Variants in SKAP1 observed in about 807,000 individuals in gnomAD.
The protein encoded by SKAP1 is src kinase-associated phosphoprotein 1.
In SKAP1, 44 loss-of-function variants were observed where a neutral mutation model predicts 58.5. The observed-to-expected ratio is 0.75, with a 90% CI of 0.59 to 0.97. The LOEUF (loss-of-function observed/expected upper bound fraction) is 0.97, where lower values mean the gene tolerates loss of function less well. Ranked by LOEUF, SKAP1 falls within the 50% of genes least tolerant of loss-of-function variation. The pLI is 0.00. For missense variants in SKAP1, 390 were observed against 435.2 expected, an observed-to-expected ratio of 0.90 and a Z score of 0.92; for synonymous variants, 127 against 149.7, an observed-to-expected ratio of 0.85 and a Z score of 1.11.
chr17:48,407,905 T>A (rs1208029280), intron 1 of SKAP1, among the ~76,000 whole-genome samples: 1 of 147,654 alleles, frequency 6.8e-6, no homozygotes, highest in Non-Finnish European at 1.5e-5. Flanking sequence ...TAAGTGTAAG[T>A]GTAAGAGCTG....
intron 4 of SKAP1, among the ~76,000 whole-genome samples, chr17:48,250,470 A>G (rs2065351503): frequency 6.6e-6 from 1 of 151,352 alleles, no homozygotes; most frequent in African/African-American, 2.4e-5. Flanking sequence ...TTTAGTAGAG[A>G]TGGGGTTTCA....
At position 48,187,889 on chromosome 17, in the gene SKAP1, C is replaced by G; in HGVS notation, c.396G>C (p.Trp132Cys). ...AGAAGAGACCTCTGCTGACAACACA[C>G]CATCGCTTCTGCCACTCCGATCCAA... ...SFFGSEWQKR[W>C]CVVSRGLFYY... Residue 132 changes from tryptophan to cysteine, a missense_variant, in exon 6 of 13, where the codon TGG (tryptophan) becomes TGC (cysteine). Physicochemically the swap from Trp to Cys is radical, Grantham distance 215. Transcript: ENST00000336915. 6.2e-7 allele frequency: 1 copy of G among 1,614,070 alleles called. No homozygotes were observed. Among genetic ancestry groups the G allele is most frequent in the Non-Finnish European group, 8.5e-7 (1 of 1,179,924 alleles).
chr17:48,204,977 C>CA (rs2064779931), intron 4 of SKAP1, among the ~76,000 whole-genome samples: 1 of 69,324 alleles, frequency 1.4e-5, no homozygotes, highest in Admixed American at 1.8e-4. Flanking sequence ...CTTTTCTTTT[C>CA]TTTCTTTCTT....
intron 4 of SKAP1, among the ~76,000 whole-genome samples, chr17:48,213,988 C>T (rs1365914635): frequency 1.3e-5 from 2 of 152,146 alleles, no homozygotes; most frequent in Admixed American, 6.5e-5. Context: ...GATTCTACAT[C>T]TTAATTAAGA....
chr17:48,230,253 T>C (rs1403577401), intron 4 of SKAP1, among the ~76,000 whole-genome samples: 1 of 152,240 alleles, frequency 6.6e-6, no homozygotes, highest in Non-Finnish European at 1.5e-5. Flanking sequence ...TTGTGTAACC[T>C]GTTTCTTAGA....
intron 4 of SKAP1, among the ~76,000 whole-genome samples, chr17:48,234,663 G>A (rs1387351701): frequency 6.6e-6 from 1 of 152,030 alleles, no homozygotes; most frequent in Non-Finnish European, 1.5e-5. Context: ...AATGTTCTGA[G>A]ATCTGTGGGG....
intron 4 of SKAP1, among the ~76,000 whole-genome samples, chr17:48,293,229 A>AT (rs1275160584): frequency 6.6e-6 from 1 of 152,216 alleles, no homozygotes; most frequent in African/African-American, 2.4e-5. Context: ...ACTAGAAGGA[A>AT]TTACGTACTT....
intron 4 of SKAP1, among the ~76,000 whole-genome samples, chr17:48,299,795 A>G (rs2066034043): frequency 6.6e-6 from 1 of 152,160 alleles, no homozygotes; most frequent in South Asian, 2.1e-4. Context: ...TGGGGCAACT[A>G]GGAAGCCAGC....
At chr17:48,228,675 C>T (rs2065095743) in intron 4 of SKAP1, among the ~76,000 whole-genome samples, 2 of 152,150 alleles carry the variant, frequency 1.3e-5, no homozygotes, top group Non-Finnish European at 1.5e-5. Flanking sequence ...ATGATGTAGG[C>T]GTTTTCCCAT....
chr17:48,162,781 A>G, intron 10 of SKAP1: 1 of 427,962 alleles, frequency 2.3e-6, no homozygotes, highest in Middle Eastern at 5.9e-4. Flanking sequence ...TTTACAGATC[A>G]CTCCTAGTAG....
At chr17:48,223,828 C>T (rs1267711083) in intron 4 of SKAP1, among the ~76,000 whole-genome samples, 1 of 152,034 alleles carries the variant, frequency 6.6e-6, no homozygotes, top group Non-Finnish European at 1.5e-5. Flanking sequence ...AGCAGATGTG[C>T]ACGGCACTGT....
chr17:48,340,096 C>A (rs2066629807), intron 4 of SKAP1, among the ~76,000 whole-genome samples: 3 of 152,272 alleles, frequency 2.0e-5, no homozygotes, highest in South Asian at 2.1e-4. Context: ...AAGAGAATCG[C>A]TTGAACCCAG....
At chr17:48,398,750 G>C (rs12947993) in intron 1 of SKAP1, among the ~76,000 whole-genome samples, 4,464 of 152,236 alleles carry the variant, frequency 0.029, 236 homozygotes, top group African/African-American at 0.1. Flanking sequence ...GGCCAAGGCG[G>C]GTGGCTCACG....
chr17:48,265,989 T>C (rs1378223693), intron 4 of SKAP1, among the ~76,000 whole-genome samples: 1 of 152,260 alleles, frequency 6.6e-6, no homozygotes, highest in South Asian at 2.1e-4. Flanking sequence ...GTTTGATTCC[T>C]CTCTTGGGAT....
chr17:48,215,547 G>C (rs2064928657), intron 4 of SKAP1, among the ~76,000 whole-genome samples: 1 of 152,194 alleles, frequency 6.6e-6, no homozygotes, highest in Non-Finnish European at 1.5e-5. Flanking sequence ...AAAAGGGAAG[G>C]GTGAGGATGC....
chr17:48,315,328 A>G (rs2066274316), intron 4 of SKAP1, among the ~76,000 whole-genome samples: 1 of 152,122 alleles, frequency 6.6e-6, no homozygotes, highest in Admixed American at 6.5e-5. Flanking sequence ...ATCTGTGAAC[A>G]CTCTGAAATT....
intron 4 of SKAP1, among the ~76,000 whole-genome samples, chr17:48,309,657 A>G (rs1216230953): frequency 6.6e-6 from 1 of 152,206 alleles, no homozygotes; most frequent in Non-Finnish European, 1.5e-5. Context: ...TTGGAAATAC[A>G]TATTCAGAGA....
intron 4 of SKAP1, among the ~76,000 whole-genome samples, chr17:48,248,122 C>A (rs1435668290): frequency 6.6e-6 from 1 of 152,180 alleles, no homozygotes; most frequent in Non-Finnish European, 1.5e-5. Context: ...AATGAACAGA[C>A]CTCATAGTGT....
intron 11 of SKAP1, among the ~76,000 whole-genome samples, chr17:48,159,189 C>CT (rs1370944656): frequency 6.6e-6 from 1 of 152,122 alleles, no homozygotes; most frequent in Non-Finnish European, 1.5e-5. Flanking sequence ...TAAAAAAATT[C>CT]TTTTTTGTTT....
Sources: gnomAD v4.1 joint callset for allele counts (sites outside exome capture counted in the v4.1 genomes callset) on GRCh38, gnomAD v4.1.1 for gene constraint, MANE v1.5 for transcripts, NCBI Gene and HGNC (gene_info 2026-07-23, HGNC 2026-07-21) for gene names.